The following STARD13 variants were observed in gnomAD, a reference collection of about 807,000 sequenced individuals.
The protein encoded by STARD13 is stAR-related lipid transfer protein 13.
Under a neutral mutation model 106.4 loss-of-function variants are expected in STARD13, and 62 were observed. The ratio of observed to expected loss-of-function variants is 0.58; its 90% CI spans 0.48 to 0.72. The LOEUF (loss-of-function observed/expected upper bound fraction) is 0.72, where lower values mean the gene tolerates loss of function less well. Among genes scored for constraint, STARD13 ranks in the 30% least tolerant of loss-of-function variants. STARD13 has a pLI of 0.00. For synonymous variants in STARD13, 565 were observed against 553.0 expected (o/e 1.02, Z -0.31); for missense variants, 1,387 against 1,424.0 (o/e 0.97, Z 0.42).
At chr13:33,256,594 T>G (rs1245802867) in intron 1 of STARD13, among the ~76,000 whole-genome samples, 1 of 152,202 alleles carries the variant, frequency 6.6e-6, no homozygotes, top group Non-Finnish European at 1.5e-5. Flanking sequence ...CATAGGGGTA[T>G]TTTTTTCTTA....
the STARD13 span, among the ~76,000 whole-genome samples, chr13:33,510,407 G>A: frequency 0.092 from 13,981 of 152,144 alleles, 728 homozygotes; most frequent in East Asian, 0.14. Flanking sequence ...GATAATGAGA[G>A]ACATAGTTAA....
At chr13:33,390,551 A>T in the STARD13 span, among the ~76,000 whole-genome samples, 3 of 152,206 alleles carry the variant, frequency 2.0e-5, no homozygotes, top group Non-Finnish European at 4.4e-5. Flanking sequence ...TTTGTTACAA[A>T]GAAGAAATAA....
the STARD13 span, among the ~76,000 whole-genome samples, chr13:33,480,989 A>T: frequency 6.6e-6 from 1 of 152,162 alleles, no homozygotes; most frequent in Admixed American, 6.5e-5. Flanking sequence ...AAACTTTAAG[A>T]AAAAGAACCA....
the STARD13 span, among the ~76,000 whole-genome samples, chr13:33,539,048 C>T: frequency 6.6e-6 from 1 of 152,092 alleles, no homozygotes; most frequent in African/African-American, 2.4e-5. Flanking sequence ...GGATTATAGG[C>T]GTGAGCCACT....
the STARD13 span, among the ~76,000 whole-genome samples, chr13:33,438,899 A>C: frequency 6.6e-6 from 1 of 152,238 alleles, no homozygotes; most frequent in Non-Finnish European, 1.5e-5. Context: ...TTTTAGAGGC[A>C]TTATTTGACA....
rs548856252 is a variant in STARD13, at chr13:33,200,280, C to T, written c.170-32658G>A. ...CTTGCTCTGTCATTCACATCTAGCT[C>T]CCCTAACCAGCCTGGCTCAGCTCAA... On this transcript the variant is annotated intron_variant, in intron 1 of 13. Coordinates refer to ENST00000336934, the MANE Select transcript of STARD13 (RefSeq NM_178006.4). Among the ~76,000 whole-genome samples the T allele has an allele frequency of 5.9e-5, 9 of 152,316 alleles. No homozygotes were observed. The South Asian group carries it at 1.7e-3, about 28-fold the overall frequency.
At chr13:33,607,098 G>GT in the STARD13 span, among the ~76,000 whole-genome samples, 938 of 130,786 alleles carry the variant, frequency 7.2e-3, 6 homozygotes, top group Middle Eastern at 0.011. Context: ...GGACAGTTTT[G>GT]TTTTTTTTTT....
intron 3 of STARD13, among the ~76,000 whole-genome samples, chr13:33,153,988 C>T (rs1261325347): frequency 6.6e-6 from 1 of 152,198 alleles, no homozygotes; most frequent in Non-Finnish European, 1.5e-5. Context: ...GCAGCTCCTC[C>T]TCCTCGGGCT....
chr13:33,589,852 C>G, the STARD13 span, among the ~76,000 whole-genome samples: 3 of 152,044 alleles, frequency 2.0e-5, no homozygotes, highest in Non-Finnish European at 4.4e-5. Flanking sequence ...CCTGGATATC[C>G]TTTTCAACTT....
intron 3 of STARD13, among the ~76,000 whole-genome samples, chr13:33,145,565 T>C (rs147611893): frequency 7.9e-4 from 120 of 152,342 alleles, no homozygotes; most frequent in African/African-American, 2.7e-3. Flanking sequence ...GATTTGTACT[T>C]GAATGTTCAT....
intron 1 of STARD13, among the ~76,000 whole-genome samples, chr13:33,314,482 GC>G (rs1401005486): frequency 6.6e-6 from 1 of 152,134 alleles, no homozygotes; most frequent in Admixed American, 6.5e-5. Context: ...ATAGCAGAAG[GC>G]CAGTTATCTG....
the STARD13 span, among the ~76,000 whole-genome samples, chr13:33,605,028 C>T: frequency 6.6e-6 from 1 of 151,758 alleles, no homozygotes; most frequent in Admixed American, 6.6e-5. Flanking sequence ...TGCTTGAGTC[C>T]AGGATTTTGA....
chr13:33,429,928 G>A, the STARD13 span, among the ~76,000 whole-genome samples: 6 of 116,058 alleles, frequency 5.2e-5, no homozygotes, highest in Non-Finnish European at 8.8e-5. Flanking sequence ...CTTTTTTTTT[G>A]GGGGGGGGGG....
the STARD13 span, among the ~76,000 whole-genome samples, chr13:33,583,955 GC>G: frequency 6.6e-6 from 1 of 151,608 alleles, no homozygotes; most frequent in Non-Finnish European, 1.5e-5. Flanking sequence ...TTGTGTCCCT[GC>G]CTTCAATTTT....
Position 33,127,500 on chromosome 13 carries a change from C to T in STARD13, c.1795G>A (p.Ala599Thr). ...SFQLSHQPRP[A>T]PASPHISSQT... ...CTGCTGATGTGGGGCGATGCTGGGGCCGGCCGGGGCTGGTGCGACAGCTGG... is the reference window on the plus strand; with the variant it reads ...CTGCTGATGTGGGGCGATGCTGGGGTCGGCCGGGGCTGGTGCGACAGCTGG... Residue 599 changes from alanine (A) to threonine (T), a missense_variant, in exon 6 of 14, where the codon GCC becomes ACC. Coordinates refer to ENST00000336934, the MANE Select transcript of STARD13 (RefSeq NM_178006.4). 1 of 1,582,954 alleles carries T rather than the reference C, an allele frequency of 6.3e-7. No individual in the cohort carries two copies. Among genetic ancestry groups the T allele is most frequent in the Non-Finnish European group, 8.5e-7 (1 of 1,170,862 alleles).
the STARD13 span, among the ~76,000 whole-genome samples, chr13:33,530,933 A>G: frequency 1.3e-5 from 2 of 152,188 alleles, no homozygotes; most frequent in Non-Finnish European, 2.9e-5. Context: ...AGTTTTCAAG[A>G]TAATGAATTG....
chr13:33,131,227 T>C (rs1199363520), intron 4 of STARD13, among the ~76,000 whole-genome samples: 1 of 152,204 alleles, frequency 6.6e-6, no homozygotes, highest in African/African-American at 2.4e-5. Context: ...GGATCCTGCT[T>C]CATCCTCACC....
intron 1 of STARD13, among the ~76,000 whole-genome samples, chr13:33,325,629 C>T (rs546285180): frequency 5.3e-5 from 8 of 152,084 alleles, no homozygotes; most frequent in Non-Finnish European, 1.2e-4. Context: ...AAAATGCATA[C>T]ACTGCATCCC....
chr13:33,316,789 C>T (rs143786336), intron 1 of STARD13, among the ~76,000 whole-genome samples: 57 of 152,300 alleles, frequency 3.7e-4, no homozygotes, highest in African/African-American at 1.3e-3. Flanking sequence ...TCCTGAACCC[C>T]GTTCATCAGG....
Sources: allele counts gnomAD v4.1 joint callset (sites outside exome capture counted in the v4.1 genomes callset), GRCh38; gene constraint gnomAD v4.1.1; transcripts MANE v1.5; gene names NCBI Gene and HGNC (gene_info 2026-07-23, HGNC 2026-07-21).